FLNB: variants seen among roughly 807,000 people sequenced by gnomAD.
The protein encoded by FLNB is filamin B, also known as filamin-B.
Under a neutral mutation model 250.6 loss-of-function variants are expected in FLNB, and 111 were observed. That is an observed-to-expected ratio of 0.44 (90% CI 0.38 to 0.52). The LOEUF (loss-of-function observed/expected upper bound fraction) is 0.52. FLNB is among the 20% of genes least tolerant of loss of function. The probability of loss-of-function intolerance (pLI) is 0.00; values close to 1 mark genes in which losing one functional copy is unlikely to be tolerated. For missense variants in FLNB, 2,869 were observed against 3,447.8 expected (o/e 0.83, Z 4.20); for synonymous variants, 1,302 against 1,372.1 (o/e 0.95, Z 1.13).
At chr3:58,081,608 T>A in intron 3 of FLNB, 21 bp from the exon 4 acceptor site, 1 of 1,613,156 alleles carries the variant, frequency 6.2e-7, no homozygotes, top group African/African-American at 1.3e-5. Flanking sequence ...TGGGTGTTCA[T>A]CCACCATGTC....
At chr3:58,032,667 A>G (rs1406572126) in intron 1 of FLNB, among the ~76,000 whole-genome samples, 2 of 152,200 alleles carry the variant, frequency 1.3e-5, no homozygotes, top group Non-Finnish European at 2.9e-5. Context: ...ACTGTGGCCA[A>G]ATTCAAGCAG....
Position 58,123,580 on chromosome 3 carries a change from C to T in FLNB, c.3614C>T (p.Thr1205Ile), listed in dbSNP as rs1352982448. ...VPLTAGMYTL[T>I]MKYGGELVPH... Reference sequence around the variant, plus strand: ...CTGACGGCCGGCATGTACACGTTGACCATGAAGTATGGTGGCGAACTCGTG... The same window carrying T: ...CTGACGGCCGGCATGTACACGTTGATCATGAAGTATGGTGGCGAACTCGTG... Residue 1205 changes from threonine (T) to isoleucine (I), a missense_variant, in exon 21 of 46, where the codon ACC becomes ATC. Around this residue, in one of 5 missense-constraint regions of FLNB, gnomAD observed 1,348 missense variants for 1,466.7 expected, o/e 0.92. Transcript: ENST00000295956. 1 of 1,612,490 alleles carries T rather than the reference C, an allele frequency of 6.2e-7. No individual in the cohort carries two copies. Among genetic ancestry groups the T allele is most frequent in the East Asian group, 2.2e-5 (1 of 44,866 alleles).
intron 2 of FLNB, chr3:58,078,501 A>T: frequency 6.5e-7 from 1 of 1,536,300 alleles, no homozygotes; most frequent in Non-Finnish European, 8.7e-7. Flanking sequence ...AGAACATAGC[A>T]CCCGGAGGAG....
At chr3:58,154,437 C>T (rs761829557) in intron 39 of FLNB, among the ~76,000 whole-genome samples, 4 of 151,574 alleles carry the variant, frequency 2.6e-5, no homozygotes, top group Non-Finnish European at 5.9e-5. Flanking sequence ...CTCAGCTACT[C>T]GGGAGGCTGA....
chr3:58,148,396 A>G (rs376829816), intron 35 of FLNB, 32 bp downstream of exon 35: 6 of 1,605,708 alleles, frequency 3.7e-6, no homozygotes, highest in Non-Finnish European at 5.1e-6. Context: ...GGCTGGAGCC[A>G]GGACATCTTG....
chr3:58,143,751 C>A, intron 32 of FLNB, 138 bp downstream of exon 32: 1 of 1,042,434 alleles, frequency 9.6e-7, no homozygotes, highest in Non-Finnish European at 1.4e-6. Context: ...CCCTGTGAAA[C>A]CAAACAGTCT....
intron 1 of FLNB, among the ~76,000 whole-genome samples, chr3:58,019,990 G>T (rs1000759183): frequency 1.3e-5 from 2 of 151,990 alleles, no homozygotes; most frequent in Non-Finnish European, 2.9e-5. Flanking sequence ...GAGGAAGGAG[G>T]TGTCCCTGGA....
intron 1 of FLNB, among the ~76,000 whole-genome samples, chr3:58,034,256 A>G (rs2097134917): frequency 6.6e-6 from 1 of 152,232 alleles, no homozygotes; most frequent in Admixed American, 6.5e-5. Context: ...AGGATCATAC[A>G]TCATAGGTGT....
At chr3:58,068,653 G>A (rs913910316) in intron 1 of FLNB, among the ~76,000 whole-genome samples, 6 of 152,208 alleles carry the variant, frequency 3.9e-5, no homozygotes. Context: ...AGGATGGAGA[G>A]AAACTGCAAA....
At chr3:58,057,343 A>G (rs1171622010) in intron 1 of FLNB, among the ~76,000 whole-genome samples, 1 of 152,246 alleles carries the variant, frequency 6.6e-6, no homozygotes, top group Non-Finnish European at 1.5e-5. Context: ...GCACTGAATT[A>G]TACTTCTATT....
In FLNB at chr3:58,130,844, C is replaced by T. The variant is rs747714897; in HGVS notation, c.4326C>T (p.Ser1442=). Residue 1442 remains serine, a synonymous_variant, in exon 25 of 46, where the codon TCC becomes TCT. Coordinates refer to ENST00000295956, the MANE Select transcript of FLNB (RefSeq NM_001457.4). ...GSGVRARVLQ[S]FTVDSSKAGL... is the part of the protein sequence containing the mutation. ...GCGTCCGAGCCCGTGTCCTGCAGTC[C>T]TTCACGGTGGACAGCAGCAAGGCTG... The T allele has an allele frequency of 2.5e-6, 4 of 1,613,540 alleles. No homozygotes were observed. The highest frequency in any genetic ancestry group is 2.5e-6 in the Non-Finnish European group (3 of 1,179,846).
In FLNB at chr3:58,144,777, A is replaced by C. The variant is rs183401759; in HGVS notation, c.5426-1144A>C. ...AATTTGCCAGTAGAATATGGTATCA[A>C]ATTTTTGGAGCTTTGCCAGTCTGAT... On this transcript the variant is annotated intron_variant, in intron 32 of 45. Transcript: ENST00000295956. Among the ~76,000 whole-genome samples the C allele has an allele frequency of 7.2e-4, 109 of 152,344 alleles. No homozygotes were observed. In the East Asian group the frequency reaches 0.011, roughly 15 times the overall value.
rs749552774 is a variant in FLNB, at chr3:58,141,939, T to C, written c.5181+10T>C. 6.2e-7 allele frequency: 1 copy of C among 1,613,472 alleles called. No homozygotes were observed. Among genetic ancestry groups the C allele is most frequent in the Non-Finnish European group, 8.5e-7 (1 of 1,179,366 alleles). ...TGGATTCAGGCCCTGGGTACAATTT[T>C]GGTTTTTTCCTTTTTGTGTTTCTGT... On this transcript the variant is annotated intron_variant, in intron 30 of 45. Transcript: ENST00000295956.
chr3:58,034,063 G>T (rs2097134616), intron 1 of FLNB, among the ~76,000 whole-genome samples: 1 of 152,134 alleles, frequency 6.6e-6, no homozygotes, highest in Admixed American at 6.5e-5. Context: ...GTTTCACCAT[G>T]TTGGTCATGC....
intron 1 of FLNB, among the ~76,000 whole-genome samples, chr3:58,061,093 C>A (rs143338599): frequency 2.6e-5 from 4 of 152,158 alleles, no homozygotes; most frequent in African/African-American, 7.2e-5. Flanking sequence ...ATTGCACTAG[C>A]GATTTAAACA....
intron 1 of FLNB, among the ~76,000 whole-genome samples, chr3:58,024,584 G>A (rs757630873): frequency 9.9e-5 from 15 of 151,908 alleles, no homozygotes; most frequent in African/African-American, 2.2e-4. Flanking sequence ...CAAAGATACC[G>A]CCTCCTACCT....
chr3:58,051,997 G>A (rs967058380), intron 1 of FLNB, among the ~76,000 whole-genome samples: 2 of 152,076 alleles, frequency 1.3e-5, no homozygotes, highest in South Asian at 2.1e-4. Flanking sequence ...AGTGATTCTC[G>A]TGCCTCAGCC....
chr3:58,159,728 T>C, intron 42 of FLNB, 42 bp downstream of exon 42: 2 of 1,605,682 alleles, frequency 1.2e-6, no homozygotes, highest in South Asian at 1.1e-5. Flanking sequence ...ACCAGCACTT[T>C]CCAGCAGAAT....
intron 36 of FLNB, 44 bp downstream of exon 36, chr3:58,148,896 G>C (rs370171572): frequency 1.3e-6 from 2 of 1,555,938 alleles, no homozygotes; most frequent in African/African-American, 1.4e-5. Flanking sequence ...TGTGGGAACC[G>C]ACTTATTTTG....
Sources: allele counts gnomAD v4.1 joint callset (sites outside exome capture counted in the v4.1 genomes callset), GRCh38; gene constraint gnomAD v4.1.1; regional missense constraint gnomAD v4.1.1; transcripts MANE v1.5; gene names NCBI Gene and HGNC (gene_info 2026-07-23, HGNC 2026-07-21).